The following ESRRB variants were observed in gnomAD, a reference collection of about 807,000 sequenced individuals.
ESRRB encodes the protein steroid hormone receptor ERR2.
In ESRRB, 16 loss-of-function variants were observed where a neutral mutation model predicts 46.0. The ratio of observed to expected loss-of-function variants is 0.35; its 90% confidence interval spans 0.24 to 0.53. ESRRB has a LOEUF of 0.53. Ranked by LOEUF, ESRRB falls within the 20% of genes least tolerant of loss-of-function variation. ESRRB has a pLI of 0.93. For missense variants in ESRRB, 488 were observed against 607.4 expected (o/e 0.80, Z 2.07); for synonymous variants, 246 against 259.6 (o/e 0.95, Z 0.50).
At chr14:76,457,467 T>C (rs1013092367) in intron 2 of ESRRB, among the ~76,000 whole-genome samples, 1 of 151,912 alleles carries the variant, frequency 6.6e-6, no homozygotes, top group Non-Finnish European at 1.5e-5. Flanking sequence ...TTTTTTTTTT[T>C]TCTCATCAGT....
intron 1 of ESRRB, among the ~76,000 whole-genome samples, chr14:76,377,432 G>A (rs1234544575): frequency 1.3e-5 from 2 of 152,184 alleles, no homozygotes; most frequent in Admixed American, 6.5e-5. Flanking sequence ...CCCCTTGGGC[G>A]CTGCGCACCC....
At chr14:76,486,122 A>G (rs1175275875) in intron 5 of ESRRB, among the ~76,000 whole-genome samples, 2 of 152,338 alleles carry the variant, frequency 1.3e-5, no homozygotes, top group South Asian at 2.1e-4. Flanking sequence ...GGCAAGCCCA[A>G]GTCTTCAGAG....
At chr14:76,314,602 TG>T (rs1566849032) in intron 1 of ESRRB, among the ~76,000 whole-genome samples, 2 of 152,154 alleles carry the variant, frequency 1.3e-5, no homozygotes, top group South Asian at 2.1e-4. Context: ...GTGATGTGTT[TG>T]GGTCTGAATC....
At position 76,452,131 on chromosome 14, in the gene ESRRB, G is replaced by C. The variant is rs564828691; in HGVS notation, c.461-10414G>C. On this transcript the variant is annotated intron_variant, in intron 2 of 6. Transcript: ENST00000644823. ...TAATTTTTGTATTTTAAGTAGAAAG[G>C]GGGTTTCACTCTGTTGGCCAGGCTG... is the stretch of plus-strand genomic sequence containing the variant. Among the ~76,000 whole-genome samples, 143 of 146,636 alleles carry C rather than the reference G, an allele frequency of 9.8e-4. 1 individual carries two copies. Among genetic ancestry groups the C allele is most frequent in the African/African-American group, 3.4e-3 (137 of 39,906 alleles).
intron 3 of ESRRB, among the ~76,000 whole-genome samples, chr14:76,479,878 T>C (rs566564209): frequency 7.0e-4 from 107 of 152,248 alleles, no homozygotes; most frequent in African/African-American, 2.6e-3. Context: ...TTTTTTAAAT[T>C]TTCTTTTGAG....
intron 2 of ESRRB, among the ~76,000 whole-genome samples, chr14:76,450,406 G>A (rs576490195): frequency 1.3e-4 from 20 of 152,112 alleles, no homozygotes; most frequent in Non-Finnish European, 2.2e-4. Context: ...AGTAGCAGCC[G>A]TTGACTAACA....
In ESRRB at chr14:76,500,390, A is replaced by G; in HGVS notation, c.*1932A>G. ...GCGGCCCTAGCCCTCCATGCAGCCC[A>G]TCTTCCCTCATTTGGGTGGAGGCAC... On this transcript the variant is annotated 3_prime_UTR_variant, in exon 7 of 7. Coordinates refer to ENST00000644823, the MANE Select transcript of ESRRB (RefSeq NM_001379180.1). 1.7e-6 allele frequency: 1 copy of G among 585,984 alleles called. No individual in the cohort carries two copies. Among genetic ancestry groups the G allele is most frequent in the Non-Finnish European group, 3.0e-6 (1 of 330,134 alleles). 36.3% of individuals were successfully genotyped at this position (585,984 alleles called of 1,614,324 possible).
At chr14:76,422,736 G>A (rs922603510) in intron 1 of ESRRB, among the ~76,000 whole-genome samples, 1 of 152,334 alleles carries the variant, frequency 6.6e-6, no homozygotes, top group African/African-American at 2.4e-5. Flanking sequence ...CCATTTTGCA[G>A]ATGAGGAAAC....
chr14:76,380,556 C>T (rs946110724), intron 1 of ESRRB, among the ~76,000 whole-genome samples: 3 of 152,216 alleles, frequency 2.0e-5, no homozygotes, highest in African/African-American at 4.8e-5. Flanking sequence ...CCTTGACTGC[C>T]TCCATTCTGG....
intron 2 of ESRRB, among the ~76,000 whole-genome samples, chr14:76,456,036 TCGCACA>T (rs1463016502): frequency 2.1e-5 from 2 of 93,116 alleles, no homozygotes; most frequent in African/African-American, 5.6e-5. Flanking sequence ...AGAGCGAAAC[TCGCACA>T]CACACACACA....
intron 3 of ESRRB, among the ~76,000 whole-genome samples, chr14:76,481,734 AAGG>A (rs1889812917): frequency 6.6e-6 from 1 of 152,212 alleles, no homozygotes; most frequent in African/African-American, 2.4e-5. Context: ...TTGTTGACAT[AAGG>A]AGAACCAAGG....
chr14:76,471,475 A>G (rs1889371046), intron 3 of ESRRB, among the ~76,000 whole-genome samples: 1 of 152,148 alleles, frequency 6.6e-6, no homozygotes, highest in South Asian at 2.1e-4. Context: ...CCTCTTCAGT[A>G]TCATCTCATA....
At chr14:76,342,201 T>C (rs1199583041) in intron 1 of ESRRB, among the ~76,000 whole-genome samples, 1 of 152,150 alleles carries the variant, frequency 6.6e-6, no homozygotes, top group Non-Finnish European at 1.5e-5. Context: ...CTGGGTGGCA[T>C]TGTGAGAGTT....
At chr14:76,469,949 T>C (rs980936487) in intron 3 of ESRRB, among the ~76,000 whole-genome samples, 72 of 131,428 alleles carry the variant, frequency 5.5e-4, no homozygotes, top group East Asian at 4.8e-3. Context: ...TTTTTCTTTT[T>C]TTTTTTTTTT....
chr14:76,462,783 C>T, intron 3 of ESRRB, 122 bp downstream of exon 3: 1 of 790,780 alleles, frequency 1.3e-6, no homozygotes, highest in East Asian at 2.5e-5. Flanking sequence ...GTCTGAGCGC[C>T]CATCTCCTCC....
chr14:76,378,496 T>G lies in ESRRB; in HGVS notation c.50+2045T>G, dbSNP rs764793344. On this transcript the variant is annotated intron_variant, in intron 1 of 6. Transcript: ENST00000644823. ...GGTTTAGATCCCCAACCCTTTCCGGTTTTTTTTTGCAAAGAATTAGCTTGT... is the reference window on the plus strand; with the variant it reads ...GGTTTAGATCCCCAACCCTTTCCGGGTTTTTTTTGCAAAGAATTAGCTTGT... 6.5e-5 allele frequency among the ~76,000 whole-genome samples: 9 copies of G among 137,716 alleles called. No individual in the cohort carries two copies. In the East Asian group the frequency reaches 1.3e-3, roughly 20 times the overall value. 90.3% of individuals were successfully genotyped at this position (137,716 alleles called of 152,430 possible).
intron 5 of ESRRB, among the ~76,000 whole-genome samples, chr14:76,490,290 G>A (rs966759186): frequency 1.3e-5 from 2 of 152,164 alleles, no homozygotes; most frequent in Non-Finnish European, 2.9e-5. Context: ...TTGAAAATCA[G>A]CTGACTTATT....
At chr14:76,342,263 G>A (rs572273473) in intron 1 of ESRRB, among the ~76,000 whole-genome samples, 3 of 152,260 alleles carry the variant, frequency 2.0e-5, no homozygotes, top group African/African-American at 7.2e-5. Flanking sequence ...CTTTCCCAGG[G>A]GTGAGCAGCC....
At chr14:76,396,254 G>A (rs1429975353) in intron 1 of ESRRB, among the ~76,000 whole-genome samples, 1 of 152,092 alleles carries the variant, frequency 6.6e-6, no homozygotes, top group Non-Finnish European at 1.5e-5. Context: ...AAAAATACAG[G>A]CAACATAGAG....
Sources: allele counts gnomAD v4.1 joint callset (sites outside exome capture counted in the v4.1 genomes callset), GRCh38; gene constraint gnomAD v4.1.1; transcripts MANE v1.5; gene names NCBI Gene and HGNC (gene_info 2026-07-23, HGNC 2026-07-21).